The following MACROD2 variants were observed in gnomAD, a reference collection of about 807,000 sequenced individuals.
MACROD2 encodes ADP-ribose glycohydrolase MACROD2.
A neutral mutation model predicts 70.4 loss-of-function variants in MACROD2; 36 were observed. That is an observed-to-expected ratio of 0.51 (90% CI 0.39 to 0.68). The LOEUF is 0.68. MACROD2 is among the 30% of genes least tolerant of loss of function. The pLI is 0.00. For missense variants in MACROD2, 496 were observed against 538.4 expected (o/e 0.92, Z 0.78); for synonymous variants, 172 against 178.8 (o/e 0.96, Z 0.30).
intron 5 of MACROD2, among the ~76,000 whole-genome samples, chr20:15,110,682 G>A (rs879291179): frequency 1.3e-5 from 2 of 152,178 alleles, no homozygotes; most frequent in Admixed American, 6.5e-5. Flanking sequence ...GGAAATATGA[G>A]GACATAACAT....
Position 14,254,398 on chromosome 20 carries a change from A to C in MACROD2, c.271+168670A>C, listed in dbSNP as rs76220348. Among the ~76,000 whole-genome samples, 1,351 of 152,180 alleles carry C rather than the reference A, an allele frequency of 8.9e-3. 6 individuals are homozygous for C. Among genetic ancestry groups the C allele is most frequent in the Middle Eastern group, 0.021 (6 of 284 alleles). On this transcript the variant is annotated intron_variant, in intron 3 of 17. Coordinates refer to ENST00000684519, the MANE Select transcript of MACROD2 (RefSeq NM_001351661.2). ...CATTTTTAATAATTTAGTGAAAAAA[A>C]AGATAAAGATTGTGTCTTAGTGTGT...
chr20:14,083,404 C>A (rs755166133), intron 2 of MACROD2, among the ~76,000 whole-genome samples: 16 of 144,154 alleles, frequency 1.1e-4, no homozygotes, highest in Non-Finnish European at 2.1e-4. Flanking sequence ...GCCTGGGCAA[C>A]AAGAATGAAA....
At chr20:15,842,753 G>GATAGAGAA (rs33937643) in intron 8 of MACROD2, among the ~76,000 whole-genome samples, 62,849 of 139,902 alleles carry the variant, frequency 0.45, 14,074 homozygotes, top group East Asian at 0.58. Flanking sequence ...TAGAGAAATA[G>GATAGAGAA]ACAGACAAAT....
At chr20:15,680,095 C>T (rs866629067) in intron 8 of MACROD2, among the ~76,000 whole-genome samples, 8 of 152,142 alleles carry the variant, frequency 5.3e-5, no homozygotes, top group African/African-American at 1.9e-4. Context: ...CTCCAAGTAA[C>T]TGGCATGCTA....
chr20:14,706,310 A>AT (rs1335996051), intron 5 of MACROD2, among the ~76,000 whole-genome samples: 6 of 146,312 alleles, frequency 4.1e-5, no homozygotes, highest in Admixed American at 7.0e-5. Context: ...AAGATTCTAT[A>AT]TTAAAAAAAA....
rs3044626 is a variant in MACROD2, at chr20:14,307,012, A to AACACACACAC, written c.272-186441_272-186432dup. ...AAGTGTGAACCGTGGACTAAATGTA[A>AACACACACAC]ACACACACACACACACACACACACA... On this transcript the variant is annotated intron_variant, in intron 3 of 17. Coordinates refer to ENST00000684519, the MANE Select transcript of MACROD2 (RefSeq NM_001351661.2). 4.5e-3 allele frequency among the ~76,000 whole-genome samples: 674 copies of AACACACACAC among 148,306 alleles called. 2 individuals carry two copies. The highest frequency in any genetic ancestry group is 9.2e-3 in the East Asian group (46 of 5,012).
intron 8 of MACROD2, among the ~76,000 whole-genome samples, chr20:15,664,473 T>G (rs190287334): frequency 5.3e-5 from 8 of 152,344 alleles, no homozygotes; most frequent in Admixed American, 5.2e-4. Context: ...CAGCTATTTT[T>G]GCGTAACACC....
At chr20:15,546,054 C>A (rs929440152) in intron 8 of MACROD2, among the ~76,000 whole-genome samples, 4 of 152,286 alleles carry the variant, frequency 2.6e-5, no homozygotes, top group African/African-American at 9.6e-5. Flanking sequence ...AGTTCAAGAC[C>A]AGCCCGACCA....
intron 3 of MACROD2, among the ~76,000 whole-genome samples, chr20:14,396,915 A>G (rs1600198023): frequency 1.1e-5 from 1 of 88,198 alleles, no homozygotes; most frequent in Admixed American, 1.3e-4. Context: ...ACAGAGCGAG[A>G]CTCCATCTCA....
At chr20:14,831,923 T>TTTTTTTTTTTTTTTTTGAGACGGAGTCTC (rs1568821844) in intron 5 of MACROD2, among the ~76,000 whole-genome samples, 2 of 148,432 alleles carry the variant, frequency 1.3e-5, no homozygotes, top group Non-Finnish European at 3.0e-5. Flanking sequence ...GTTATGTTCT[T>TTTTTTTTTTTTTTTTTGAGACGGAGTCTC]GGGGATGCAT....
intron 5 of MACROD2, among the ~76,000 whole-genome samples, chr20:14,874,992 G>A (rs1033002395): frequency 6.6e-5 from 10 of 151,778 alleles, no homozygotes; most frequent in Admixed American, 3.3e-4. Flanking sequence ...GGCATGAGCC[G>A]CTGCACCTGG....
chr20:15,384,225 A>C (rs548339220), intron 6 of MACROD2, among the ~76,000 whole-genome samples: 4 of 152,076 alleles, frequency 2.6e-5, no homozygotes, highest in Non-Finnish European at 5.9e-5. Context: ...TTTTCTGGAA[A>C]GGTCCAAGAC....
chr20:14,512,132 A>G (rs772549071), intron 4 of MACROD2, among the ~76,000 whole-genome samples: 5 of 152,154 alleles, frequency 3.3e-5, no homozygotes, highest in Non-Finnish European at 5.9e-5. Flanking sequence ...ATGAAGGTCT[A>G]TCATCCATGA....
At chr20:15,899,153 A>G (rs2065023964) in intron 10 of MACROD2, among the ~76,000 whole-genome samples, 2 of 151,898 alleles carry the variant, frequency 1.3e-5, no homozygotes, top group African/African-American at 4.8e-5. Context: ...GGGTGTATAT[A>G]TATCTGTAGG....
At chr20:15,486,900 G>A (rs145118891) in intron 7 of MACROD2, among the ~76,000 whole-genome samples, 2 of 152,170 alleles carry the variant, frequency 1.3e-5, no homozygotes, top group East Asian at 1.9e-4. Flanking sequence ...ACAGCAAATA[G>A]CATGTATTGT....
intron 6 of MACROD2, among the ~76,000 whole-genome samples, chr20:15,232,289 A>G (rs1208288721): frequency 1.3e-5 from 2 of 152,076 alleles, no homozygotes; most frequent in Non-Finnish European, 2.9e-5. Context: ...ATCACAATAG[A>G]TGGTAGACAT....
At chr20:14,362,365 A>G (rs994767786) in intron 3 of MACROD2, among the ~76,000 whole-genome samples, 1 of 152,140 alleles carries the variant, frequency 6.6e-6, no homozygotes, top group African/African-American at 2.4e-5. Flanking sequence ...ATGCTATGCT[A>G]CTTCCCATGT....
At chr20:15,908,755 TG>T (rs2065187053) in intron 10 of MACROD2, among the ~76,000 whole-genome samples, 1 of 152,214 alleles carries the variant, frequency 6.6e-6, no homozygotes, top group East Asian at 1.9e-4. Context: ...CTTCCCTTCC[TG>T]TTGCATTTTC....
chr20:15,443,199 A>T (rs953330084), intron 7 of MACROD2, among the ~76,000 whole-genome samples: 2 of 152,152 alleles, frequency 1.3e-5, no homozygotes, highest in Admixed American at 6.6e-5. Flanking sequence ...ATCCATAAAC[A>T]TACCAGGAGT....
Sources: gnomAD v4.1 joint callset for allele counts (sites outside exome capture counted in the v4.1 genomes callset) on GRCh38, gnomAD v4.1.1 for gene constraint, MANE v1.5 for transcripts, NCBI Gene and HGNC (gene_info 2026-07-23, HGNC 2026-07-21) for gene names.